ABHD12: variants seen among roughly 807,000 people sequenced by gnomAD.
The protein encoded by ABHD12 is lysophosphatidylserine lipase ABHD12.
In ABHD12, 43 loss-of-function variants were observed where a neutral mutation model predicts 58.3. The ratio of observed to expected loss-of-function variants is 0.74; its 90% confidence interval spans 0.58 to 0.95. The LOEUF (loss-of-function observed/expected upper bound fraction) is 0.95, where lower values mean the gene tolerates loss of function less well. Ranked by LOEUF, ABHD12 falls within the 40% of genes least tolerant of loss-of-function variation. The pLI is 0.00. For synonymous variants in ABHD12, 219 were observed against 211.2 expected (o/e 1.04, Z -0.32); for missense variants, 539 against 537.2 (o/e 1.00, Z -0.03).
At chr20:25,329,954 G>A (rs1442306149) in intron 2 of ABHD12, among the ~76,000 whole-genome samples, 9 of 152,190 alleles carry the variant, frequency 5.9e-5, no homozygotes, top group African/African-American at 2.2e-4. Flanking sequence ...TGTGTTGAGG[G>A]AGGAGCCAAG....
intron 1 of ABHD12, among the ~76,000 whole-genome samples, chr20:25,384,983 A>G (rs2090069779): frequency 6.6e-6 from 1 of 152,156 alleles, no homozygotes; most frequent in African/African-American, 2.4e-5. Flanking sequence ...GTGTGTATAT[A>G]TATTTCCCCA....
intron 10 of ABHD12, among the ~76,000 whole-genome samples, chr20:25,306,557 T>A (rs1288955135): frequency 1.3e-5 from 2 of 152,134 alleles, no homozygotes; most frequent in Non-Finnish European, 2.9e-5. Context: ...AATTTTTGGA[T>A]TTTTTGTAGA....
rs1600862729 is a variant in ABHD12, at chr20:25,368,494, A to AT, written c.191+22018dup. 1.4e-5 allele frequency: 22 copies of AT among 1,534,514 alleles called. No individual in the cohort carries two copies. The East Asian group carries it at 4.7e-4, about 33-fold the overall frequency. On this transcript the variant is annotated intron_variant, in intron 1 of 12. Transcript: ENST00000339157. ...CCATGGACAAGATGCTAGGACCTGT[A>AT]TGCTTTAGGATGAAGTTTTCATCAC...
At chr20:25,330,184 G>A (rs1199905193) in intron 2 of ABHD12, among the ~76,000 whole-genome samples, 16 of 152,258 alleles carry the variant, frequency 1.1e-4, no homozygotes, top group Non-Finnish European at 2.4e-4. Context: ...CCCTTTCCTA[G>A]TCAAAGAAAG....
At chr20:25,307,463 G>A (rs2088766338) in intron 9 of ABHD12, among the ~76,000 whole-genome samples, 1 of 152,266 alleles carries the variant, frequency 6.6e-6, no homozygotes, top group Non-Finnish European at 1.5e-5. Flanking sequence ...TAACTGGCTA[G>A]GTTTTAAGGG....
Position 25,328,064 on chromosome 20 carries a change from G to A in ABHD12, c.317-4634C>T, listed in dbSNP as rs576044755. Among the ~76,000 whole-genome samples the A allele has an allele frequency of 1.1e-3, 161 of 151,814 alleles. 1 individual carries two copies. The highest frequency in any genetic ancestry group is 4.6e-3 in the South Asian group (22 of 4,794). Reference sequence around the variant, plus strand: ...AAAAACTCTGATCCCTGAATGCTACGGGAGAGTGATTTGAGTAATAACAAA... The same window carrying A: ...AAAAACTCTGATCCCTGAATGCTACAGGAGAGTGATTTGAGTAATAACAAA... On this transcript the variant is annotated intron_variant, in intron 2 of 12. Transcript: ENST00000339157.
At chr20:25,319,779 A>G (rs2089031832) in intron 4 of ABHD12, among the ~76,000 whole-genome samples, 1 of 152,184 alleles carries the variant, frequency 6.6e-6, no homozygotes. Flanking sequence ...ATACCAGCAG[A>G]TGCTGTGACC....
chr20:25,301,017 G>C (rs1456886687), intron 12 of ABHD12, 133 bp from the exon 13 acceptor site: 1 of 924,488 alleles, frequency 1.1e-6, no homozygotes, highest in African/African-American at 1.6e-5. Flanking sequence ...ATGAGGATGC[G>C]CTGTAGCCCA....
chr20:25,338,322 C>T (rs772842229), intron 2 of ABHD12, among the ~76,000 whole-genome samples: 1 of 152,194 alleles, frequency 6.6e-6, no homozygotes, highest in Non-Finnish European at 1.5e-5. Context: ...TCACTATGTG[C>T]AAACCAATCT....
intron 1 of ABHD12, among the ~76,000 whole-genome samples, chr20:25,361,397 GT>G (rs1321660366): frequency 6.6e-6 from 1 of 151,224 alleles, no homozygotes; most frequent in Non-Finnish European, 1.5e-5. Context: ...GTCTATGCGT[GT>G]TTTTTGTTTT....
In ABHD12 at chr20:25,325,125, G is replaced by A. The variant is rs532847455; in HGVS notation, c.317-1695C>T. 5.4e-5 allele frequency among the ~76,000 whole-genome samples: 8 copies of A among 146,862 alleles called. No homozygotes were observed. In the South Asian group the frequency reaches 1.8e-3, roughly 32 times the overall value. ...TGAGGCTGAGGAGGGAGAATCACTT[G>A]AGCCCAGGAGGTCAAGGCTGCAGTA... is the stretch of plus-strand genomic sequence containing the variant. On this transcript the variant is annotated intron_variant, in intron 2 of 12. Coordinates refer to ENST00000339157, the MANE Select transcript of ABHD12 (RefSeq NM_001042472.3).
In ABHD12 at chr20:25,388,791, T is replaced by TC. The variant is rs1555827346; in HGVS notation, c.191+1721_191+1722insG. On this transcript the variant is annotated intron_variant, in intron 1 of 12. Transcript: ENST00000339157. ...TGTAAAACAATTTGATTTTTTCTTT[T>TC]TTTTTTTTTTTTTTGAGACGGAGTT... 2.9e-3 allele frequency among the ~76,000 whole-genome samples: 344 copies of TC among 119,964 alleles called. 1 individual carries two copies. Among genetic ancestry groups the TC allele is most frequent in the African/African-American group, 0.015 (310 of 21,060 alleles). 78.7% of individuals were successfully genotyped at this position (119,964 alleles called of 152,430 possible).
intron 1 of ABHD12, among the ~76,000 whole-genome samples, chr20:25,371,642 G>T (rs2089901225): frequency 6.6e-6 from 1 of 152,140 alleles, no homozygotes; most frequent in Non-Finnish European, 1.5e-5. Context: ...TGATAGAAAG[G>T]CCACTGTCTC....
At chr20:25,381,903 C>T (rs1355168220) in intron 1 of ABHD12, among the ~76,000 whole-genome samples, 1 of 152,186 alleles carries the variant, frequency 6.6e-6, no homozygotes, top group East Asian at 1.9e-4. Context: ...AGTGATCTGC[C>T]TGCCTCGGCC....
At chr20:25,297,870 T>A (rs1276545821), downstream of ABHD12, 1 of 152,318 alleles carries the variant, frequency 6.6e-6, no homozygotes, top group East Asian at 1.9e-4. Context: ...TGACAGCATC[T>A]TCCCCAGGCA....
chr20:25,339,664 C>CCCCCA (rs2089428867), intron 1 of ABHD12: 1 of 1,389,870 alleles, frequency 7.2e-7, no homozygotes, highest in African/African-American at 1.5e-5. Flanking sequence ...CCCACCATGC[C>CCCCCA]CCCCACCTGA....
intron 12 of ABHD12, 77 bp from the exon 13 acceptor site, chr20:25,300,961 T>A (rs749363514): frequency 3.0e-4 from 437 of 1,471,480 alleles, no homozygotes; most frequent in Non-Finnish European, 4.0e-4. Flanking sequence ...CACACTGCTA[T>A]CTAAGGAAGC....
intron 1 of ABHD12, among the ~76,000 whole-genome samples, chr20:25,356,601 AC>A (rs757977871): frequency 6.6e-6 from 1 of 152,174 alleles, no homozygotes; most frequent in Admixed American, 6.5e-5. Context: ...TGTTTGAACA[AC>A]CTGCCCTGGT....
At chr20:25,308,544 G>C in intron 7 of ABHD12, 50 bp from the exon 8 acceptor site, 1 of 1,570,780 alleles carries the variant, frequency 6.4e-7, no homozygotes, top group Non-Finnish European at 8.7e-7. Context: ...AATTGTTTGA[G>C]ATGATATGGG....
Sources: gnomAD v4.1 joint callset for allele counts (sites outside exome capture counted in the v4.1 genomes callset) on GRCh38, gnomAD v4.1.1 for gene constraint, MANE v1.5 for transcripts, NCBI Gene and HGNC (gene_info 2026-07-23, HGNC 2026-07-21) for gene names.